The following PTPRB variants were observed in gnomAD, a reference collection of about 807,000 sequenced individuals.
PTPRB encodes the protein receptor-type tyrosine-protein phosphatase beta.
PTPRB carries 97 observed loss-of-function variants against 238.1 expected under a neutral mutation model. The observed-to-expected ratio is 0.41, with a 90% CI of 0.35 to 0.48. The LOEUF is 0.48. Ranked by LOEUF, PTPRB falls within the 20% of genes least tolerant of loss-of-function variation. The probability of loss-of-function intolerance (pLI) is 0.30; values close to 1 mark genes in which losing one functional copy is unlikely to be tolerated. For synonymous variants in PTPRB, 970 were observed against 995.4 expected (o/e 0.97, Z 0.48); for missense variants, 2,292 against 2,681.9 (o/e 0.85, Z 3.21).
chr12:70,550,065 A>G (rs926042874), intron 21 of PTPRB, among the ~76,000 whole-genome samples: 11 of 152,196 alleles, frequency 7.2e-5, no homozygotes, highest in African/African-American at 2.4e-4. Flanking sequence ...GTAATTCGAT[A>G]AAGGGTTAAA....
intron 4 of PTPRB, among the ~76,000 whole-genome samples, chr12:70,598,712 C>A (rs1198632517): frequency 6.6e-6 from 1 of 152,238 alleles, no homozygotes; most frequent in East Asian, 1.9e-4. Flanking sequence ...ACAGCTGCTT[C>A]CAGTGATAGT....
intron 10 of PTPRB, 142 bp from the exon 11 acceptor site, chr12:70,576,787 G>T: frequency 1.7e-6 from 1 of 596,308 alleles, no homozygotes; most frequent in Non-Finnish European, 3.0e-6. Context: ...TATATAAGAG[G>T]TCAAGGAAGC....
intron 31 of PTPRB, 100 bp from the exon 32 acceptor site, chr12:70,532,270 T>G: frequency 7.4e-7 from 1 of 1,352,176 alleles, no homozygotes; most frequent in East Asian, 2.4e-5. Context: ...CCCTTCCCAG[T>G]TATGGGAGAA....
chr12:70,517,005 A>G lies in PTPRB; in HGVS notation c.*4484T>C, dbSNP rs1043780870. 1 of 152,202 alleles carries G rather than the reference A, an allele frequency of 6.6e-6. No homozygotes were observed. Among genetic ancestry groups the G allele is most frequent in the Admixed American group, 6.5e-5 (1 of 15,274 alleles). The allele number at this position is 152,202 out of a possible 1,614,324, so 9.4% of individuals were successfully genotyped here. A position where few individuals can be genotyped will look rare whatever the true frequency, so the allele number is the denominator to read the frequency against. On this transcript the variant is annotated 3_prime_UTR_variant, in exon 34 of 34. Transcript: ENST00000334414. The stretch of plus-strand genomic sequence containing the variant: ...TATTCTCTTAGCCAGAAATACTTCT[A>G]TTGCTAGAAACATTTTTAGAACAGA...
At chr12:70,618,421 C>T (rs762600950) in intron 3 of PTPRB, among the ~76,000 whole-genome samples, 11 of 152,204 alleles carry the variant, frequency 7.2e-5, no homozygotes, top group East Asian at 1.9e-4. Flanking sequence ...AGCCAGTATT[C>T]GAAAACATTT....
chr12:70,556,288 G>A, intron 18 of PTPRB, 140 bp from the exon 19 acceptor site: 2 of 782,032 alleles, frequency 2.6e-6, no homozygotes, highest in East Asian at 2.7e-5. Flanking sequence ...GCTCACCCTA[G>A]CAGAGACACA....
Position 70,521,466 on chromosome 12 carries a change from C to T in PTPRB, c.*23G>A. The stretch of plus-strand genomic sequence containing the variant: ...AAATCACACAGTGAATAATTTTTAT[C>T]CAGGAGCTCTTCAGGTACATTCTCA... On this transcript the variant is annotated 3_prime_UTR_variant, in exon 34 of 34. Transcript: ENST00000334414. 1.3e-6 allele frequency: 2 copies of T among 1,522,906 alleles called. No individual in the cohort carries two copies. Among genetic ancestry groups the T allele is most frequent in the Non-Finnish European group, 1.8e-6 (2 of 1,133,708 alleles). 94.3% of individuals were successfully genotyped at this position (1,522,906 alleles called of 1,614,324 possible).
In PTPRB at chr12:70,539,982, T is replaced by C. The variant is rs200180116; in HGVS notation, c.5635A>G (p.Arg1879Gly). The C allele has an allele frequency of 1.7e-4, 270 of 1,612,084 alleles. No individual in the cohort carries two copies. Among genetic ancestry groups the C allele is most frequent in the Non-Finnish European group, 2.2e-4 (264 of 1,178,134 alleles). Reference protein sequence around the residue: ...ERPSARLSIRRDRPLSVHLNL... With the variant: ...ERPSARLSIRGDRPLSVHLNL... ...AAGTGGACAGATAATGGTCGATCCC[T>C]ACGAATGCTCAGACGGGCAGAGGGT... Residue 1879 changes from arginine (R) to glycine (G), a missense_variant, in exon 24 of 34, where the codon AGG (arginine) becomes GGG (glycine). Arg to Gly is a moderately radical substitution (Grantham distance 125). Transcript: ENST00000334414.
At chr12:70,598,395 T>C (rs1883209904) in intron 4 of PTPRB, among the ~76,000 whole-genome samples, 1 of 152,222 alleles carries the variant, frequency 6.6e-6, no homozygotes, top group Non-Finnish European at 1.5e-5. Flanking sequence ...GGTGAAAATA[T>C]TGCCACAGAA....
rs868318095 is a variant in PTPRB, at chr12:70,539,985, G to A, written c.5632C>T (p.Arg1878Cys). The change falls in exon 24 of 34, where the codon CGT becomes TGT. Residue 1878 changes from arginine (R) to cysteine (C), a missense_variant. This residue lies in a region of PTPRB where 397 missense variants were observed against 502.0 expected (regional missense o/e 0.79). Transcript: ENST00000334414. ...TGGACAGATAATGGTCGATCCCTAC[G>A]AATGCTCAGACGGGCAGAGGGTCTT... ...RERPSARLSIRRDRPLSVHLN... is the reference protein window; with the variant it reads ...RERPSARLSICRDRPLSVHLN... The A allele has an allele frequency of 5.0e-6, 8 of 1,611,674 alleles. No individual in the cohort carries two copies. The highest frequency in any genetic ancestry group is 4.5e-5 in the East Asian group (2 of 44,820).
chr12:70,542,830 C>T (rs1303558082), intron 22 of PTPRB: 4 of 147,284 alleles, frequency 2.7e-5, no homozygotes, highest in African/African-American at 5.0e-5. Context: ...GAGCTTGCAG[C>T]GAGCCGAGAT....
At chr12:70,564,870 TA>T (rs1879063477) in intron 15 of PTPRB, among the ~76,000 whole-genome samples, 2 of 94,786 alleles carry the variant, frequency 2.1e-5, no homozygotes, top group Non-Finnish European at 4.3e-5. Context: ...ATAATAATAA[TA>T]ATAATAATAA....
At chr12:70,617,456 C>T (rs117310517) in intron 3 of PTPRB, among the ~76,000 whole-genome samples, 289 of 152,250 alleles carry the variant, frequency 1.9e-3, no homozygotes, top group Non-Finnish European at 3.5e-3. Context: ...ATCTAGGAGT[C>T]GAGATGAAGG....
intron 2 of PTPRB, 28 bp from the exon 3 acceptor site, chr12:70,622,674 G>T (rs746639726): frequency 2.0e-6 from 3 of 1,523,464 alleles, no homozygotes; most frequent in Non-Finnish European, 2.7e-6. Context: ...TAGTTGCAAA[G>T]ATTATTCTCA....
Position 70,576,416 on chromosome 12 carries a change from C to T in PTPRB, c.2808G>A (p.Lys936=), listed in dbSNP as rs1432061647. 2 of 1,610,904 alleles carry T rather than the reference C, an allele frequency of 1.2e-6. No homozygotes were observed. The highest frequency in any genetic ancestry group is 2.2e-5 in the East Asian group (1 of 44,808). ...YTVTITTRSG[K]YENHSFSQER... ...CTTGGCTGAAGGAGTGATTTTCATA[C>T]TTGCCACTCCTTGTAGTTATGGTCA... Residue 936 remains lysine (K), a synonymous_variant, in exon 11 of 34, where the codon AAG becomes AAA. Coordinates refer to ENST00000334414, the MANE Select transcript of PTPRB (RefSeq NM_001109754.4).
chr12:70,557,675 A>T (rs1877900759), intron 18 of PTPRB, among the ~76,000 whole-genome samples: 1 of 152,226 alleles, frequency 6.6e-6, no homozygotes, highest in Non-Finnish European at 1.5e-5. Flanking sequence ...TGGCTGTGTA[A>T]GAAATGGCCC....
At position 70,594,632 on chromosome 12, in the gene PTPRB, G is replaced by T. The variant is rs764589849; in HGVS notation, c.1351C>A (p.Arg451=). Residue 451 remains arginine, a synonymous_variant, in exon 6 of 34, where the codon CGG becomes AGG. Coordinates refer to ENST00000334414, the MANE Select transcript of PTPRB (RefSeq NM_001109754.4). ...ATCCCTTTATCCATTAGCATCAGCC[G>T]GTATCGTTCCACATTCCCAGAACCA... ...SHGSGNVERY[R]LMLMDKGILV... The T allele has an allele frequency of 1.2e-6, 2 of 1,613,948 alleles. No individual in the cohort carries two copies. The highest frequency in any genetic ancestry group is 3.3e-5 in the Admixed American group (2 of 60,016).
Position 70,521,461 on chromosome 12 carries a change from T to G in PTPRB, c.*28A>C. The stretch of plus-strand genomic sequence containing the variant: ...AAAACAAATCACACAGTGAATAATT[T>G]TTATCCAGGAGCTCTTCAGGTACAT... On this transcript the variant is annotated 3_prime_UTR_variant, in exon 34 of 34. Transcript: ENST00000334414. 1 of 1,519,580 alleles carries G rather than the reference T, an allele frequency of 6.6e-7. No homozygotes were observed. The highest frequency in any genetic ancestry group is 8.8e-7 in the Non-Finnish European group (1 of 1,131,950). The allele number at this position is 1,519,580 out of a possible 1,614,324, so 94.1% of individuals were successfully genotyped here. A position where few individuals can be genotyped will look rare whatever the true frequency, so the allele number is the denominator to read the frequency against.
Position 70,589,968 on chromosome 12 carries a change from C to T in PTPRB, c.2046G>A (p.Arg682=). ...AACATCTTCATATTTGCCTACCTGT[C>T]CTGCCTTGGCAACGCTCAGAATTCT... ...NLKNSERCQG[R]TVPLAVLQLR... Residue 682 remains arginine (R), a synonymous_variant, in exon 8 of 34, where the codon AGG becomes AGA. Transcript: ENST00000334414. 2 of 1,613,318 alleles carry T rather than the reference C, an allele frequency of 1.2e-6. No homozygotes were observed. The highest frequency in any genetic ancestry group is 1.7e-6 in the Non-Finnish European group (2 of 1,179,692).
Sources: allele counts gnomAD v4.1 joint callset (sites outside exome capture counted in the v4.1 genomes callset), GRCh38; gene constraint gnomAD v4.1.1; regional missense constraint gnomAD v4.1.1; transcripts MANE v1.5; gene names NCBI Gene and HGNC (gene_info 2026-07-23, HGNC 2026-07-21).